IGSF3: variants seen among roughly 807,000 people sequenced by gnomAD.
IGSF3 encodes glu-Trp-Ile EWI motif-containing protein 3.
A neutral mutation model predicts 114.4 loss-of-function variants in IGSF3; 23 were observed. The observed-to-expected ratio is 0.20, with a 90% CI of 0.14 to 0.28. IGSF3 has a LOEUF of 0.28. IGSF3 is among the 10% of genes least tolerant of loss of function. The pLI is 1.00. For synonymous variants in IGSF3, 571 were observed against 645.2 expected, an observed-to-expected ratio of 0.88 and a Z score of 1.74; for missense variants, 1,172 against 1,591.5, an observed-to-expected ratio of 0.74 and a Z score of 4.48.
chr1:116,651,161 T>A lies in IGSF3; in HGVS notation c.43+15123A>T, dbSNP rs1648619972. 6.6e-6 allele frequency among the ~76,000 whole-genome samples: 1 copy of A among 152,238 alleles called. No individual in the cohort carries two copies. The highest frequency in any genetic ancestry group is 2.4e-5 in the African/African-American group (1 of 41,476). The stretch of plus-strand genomic sequence containing the variant: ...CACACAAATCTGTGGAATGAGTGCA[T>A]GATCTCATGAGCTCTGGTCTGGAAA... On this transcript the variant is annotated intron_variant, in intron 2 of 10. Coordinates refer to ENST00000369486, the MANE Select transcript of IGSF3 (RefSeq NM_001007237.3). The surrounding 1 kb of genome is among the most constrained non-coding windows in gnomAD (Gnocchi z 4.4).
intron 2 of IGSF3, among the ~76,000 whole-genome samples, chr1:116,643,718 T>G (rs1648214969): frequency 6.6e-6 from 1 of 152,212 alleles, no homozygotes; most frequent in African/African-American, 2.4e-5. Context: ...TCTTGTGTTG[T>G]CACAGGTGTA....
At position 116,592,584 on chromosome 1, in the gene IGSF3, G is replaced by A. The variant is rs900709761; in HGVS notation, c.2030-3480C>T. Among the ~76,000 whole-genome samples the A allele has an allele frequency of 4.6e-4, 70 of 152,264 alleles. No homozygotes were observed. The highest frequency in any genetic ancestry group is 1.6e-3 in the African/African-American group (68 of 41,538). ...GTTTCAAGGTGAGACATCAGGAAGAGGGAAGAACTTCGCAGCGGAGACCAG... is the reference window on the plus strand; with the variant it reads ...GTTTCAAGGTGAGACATCAGGAAGAAGGAAGAACTTCGCAGCGGAGACCAG... On this transcript the variant is annotated intron_variant, in intron 7 of 10. Coordinates refer to ENST00000369486, the MANE Select transcript of IGSF3 (RefSeq NM_001007237.3). The surrounding 1 kb of genome is among the most constrained non-coding windows in gnomAD (Gnocchi z 4.5).
chr1:116,581,223 C>G (rs1571112872), intron 9 of IGSF3, among the ~76,000 whole-genome samples: 2 of 152,028 alleles, frequency 1.3e-5, no homozygotes, highest in Admixed American at 1.3e-4. Context: ...AGTGTCCTCC[C>G]TGCTTAGGCG....
chr1:116,591,418 A>G (rs1486245741), intron 7 of IGSF3, among the ~76,000 whole-genome samples: 1 of 152,220 alleles, frequency 6.6e-6, no homozygotes, highest in African/African-American at 2.4e-5. Flanking sequence ...TTATTTTTGC[A>G]ACTGTTACTA....
intron 9 of IGSF3, among the ~76,000 whole-genome samples, chr1:116,580,323 T>C (rs1659547647): frequency 6.6e-6 from 1 of 152,228 alleles, no homozygotes; most frequent in Non-Finnish European, 1.5e-5. Flanking sequence ...CAGACGTAAT[T>C]AGCAAAGAGG....
Position 116,592,036 on chromosome 1 carries a change from T to G in IGSF3, c.2030-2932A>C, listed in dbSNP as rs891528341. ...CTGTGCCTTGTCCCAAGTTCAAAGT[T>G]CAACACTTAGAATGGGAGTTGTCAA... On this transcript the variant is annotated intron_variant, in intron 7 of 10. Transcript: ENST00000369486. This position sits in a 1 kb window ranked among gnomAD's most constrained non-coding sequence, Gnocchi z 4.5. Among the ~76,000 whole-genome samples, 1 of 152,164 alleles carries G rather than the reference T, an allele frequency of 6.6e-6. No individual in the cohort carries two copies. The highest frequency in any genetic ancestry group is 2.4e-5 in the African/African-American group (1 of 41,430).
Position 116,595,346 on chromosome 1 carries a change from GC to G in IGSF3, c.2029+4594del, listed in dbSNP as rs1232535183. Among the ~76,000 whole-genome samples the G allele has an allele frequency of 6.6e-6, 1 of 152,122 alleles. No homozygotes were observed. The highest frequency in any genetic ancestry group is 1.5e-5 in the Non-Finnish European group (1 of 68,008). On this transcript the variant is annotated intron_variant, in intron 7 of 10. Coordinates refer to ENST00000369486, the MANE Select transcript of IGSF3 (RefSeq NM_001007237.3). The surrounding 1 kb of genome is among the most constrained non-coding windows in gnomAD (Gnocchi z 4.2). Reference sequence around the variant, plus strand: ...ATCTTGGCACAGACAACAGGCAGAAGCCACCTGGGATGGAAGAAGGAGAACC... The same window carrying G: ...ATCTTGGCACAGACAACAGGCAGAAGCACCTGGGATGGAAGAAGGAGAACC...
At chr1:116,645,091 A>G (rs1046031638) in intron 2 of IGSF3, among the ~76,000 whole-genome samples, 4 of 152,204 alleles carry the variant, frequency 2.6e-5, no homozygotes, top group Admixed American at 6.5e-5. Flanking sequence ...GTAGCCCCAA[A>G]CTGGAAACAA....
At position 116,627,723 on chromosome 1, in the gene IGSF3, G is replaced by A. The variant is rs1647363219; in HGVS notation, c.44-11266C>T. Reference sequence around the variant, plus strand: ...ATCAGAACTAGACCTGGATACAAAGGGGTGGCCCTGGCTTCAGGAAGCCCA... The same window carrying A: ...ATCAGAACTAGACCTGGATACAAAGAGGTGGCCCTGGCTTCAGGAAGCCCA... On this transcript the variant is annotated intron_variant, in intron 2 of 10. Coordinates refer to ENST00000369486, the MANE Select transcript of IGSF3 (RefSeq NM_001007237.3). This position sits in a 1 kb window ranked among gnomAD's most constrained non-coding sequence, Gnocchi z 4.7. Among the ~76,000 whole-genome samples, 1 of 152,152 alleles carries A rather than the reference G, an allele frequency of 6.6e-6. No homozygotes were observed. The highest frequency in any genetic ancestry group is 1.5e-5 in the Non-Finnish European group (1 of 68,020).
chr1:116,641,167 C>A (rs1300621562), intron 2 of IGSF3, among the ~76,000 whole-genome samples: 3 of 152,112 alleles, frequency 2.0e-5, no homozygotes, highest in African/African-American at 7.2e-5. Context: ...CCTGTTCTCT[C>A]CACTTCGGTA....
intron 2 of IGSF3, among the ~76,000 whole-genome samples, chr1:116,640,001 C>T (rs201921565): frequency 1.3e-4 from 18 of 139,364 alleles, no homozygotes; most frequent in Non-Finnish European, 2.0e-4. Context: ...GATGGCACCG[C>T]GGCACTCCAG....
In IGSF3 at chr1:116,589,577, C is replaced by T. The variant is rs914906252; in HGVS notation, c.2030-473G>A. On this transcript the variant is annotated intron_variant, in intron 7 of 10. Transcript: ENST00000369486. This position sits in a 1 kb window ranked among gnomAD's most constrained non-coding sequence, Gnocchi z 5.7. ...CAGGCGCATGCCCCTGGTGCAGTTTCCCTGAGCCCTGGCCTTTGCCCTTGC... is the reference window on the plus strand; with the variant it reads ...CAGGCGCATGCCCCTGGTGCAGTTTTCCTGAGCCCTGGCCTTTGCCCTTGC... 2.0e-5 allele frequency among the ~76,000 whole-genome samples: 3 copies of T among 152,126 alleles called. No homozygotes were observed. The highest frequency in any genetic ancestry group is 2.1e-4 in the South Asian group (1 of 4,836).
chr1:116,597,062 A>G (rs1193960583), intron 7 of IGSF3, among the ~76,000 whole-genome samples: 1 of 152,220 alleles, frequency 6.6e-6, no homozygotes, highest in Non-Finnish European at 1.5e-5. Flanking sequence ...ATAGCCTTTA[A>G]AAGGTCAAAG....
At position 116,596,991 on chromosome 1, in the gene IGSF3, G is replaced by A. The variant is rs1369283793; in HGVS notation, c.2029+2950C>T. On this transcript the variant is annotated intron_variant, in intron 7 of 10. Coordinates refer to ENST00000369486, the MANE Select transcript of IGSF3 (RefSeq NM_001007237.3). The surrounding 1 kb of genome is among the most constrained non-coding windows in gnomAD (Gnocchi z 4.1). ...CTCCTCCACATCATCAATCTACAAG[G>A]AGAAAATTCTTCTGTAAAGGACACG... Among the ~76,000 whole-genome samples, 1 of 152,204 alleles carries A rather than the reference G, an allele frequency of 6.6e-6. No homozygotes were observed. The highest frequency in any genetic ancestry group is 1.5e-5 in the Non-Finnish European group (1 of 68,044).
At chr1:116,601,194 A>G (rs1490601648) in intron 6 of IGSF3, among the ~76,000 whole-genome samples, 1 of 152,200 alleles carries the variant, frequency 6.6e-6, no homozygotes, top group Non-Finnish European at 1.5e-5. Context: ...CAGGCTTGTC[A>G]TCTCTTCCTG....
rs1166588721 is a variant in IGSF3 at position 116,665,687 on chromosome 1, T to C, written c.43+597A>G. On this transcript the variant is annotated intron_variant, in intron 2 of 10. Coordinates refer to ENST00000369486, the MANE Select transcript of IGSF3 (RefSeq NM_001007237.3). The surrounding 1 kb of genome is among the most constrained non-coding windows in gnomAD (Gnocchi z 4.0). ...ATCTCCCCTACCAGGCAGCTTCCTT[T>C]TCTTCAGGCTCTCCTTCTCCCAGAA... Among the ~76,000 whole-genome samples the C allele has an allele frequency of 2.0e-5, 3 of 152,162 alleles. No individual in the cohort carries two copies. The highest frequency in any genetic ancestry group is 2.9e-5 in the Non-Finnish European group (2 of 68,036).
intron 2 of IGSF3, among the ~76,000 whole-genome samples, chr1:116,626,976 T>C (rs1212182887): frequency 6.6e-6 from 1 of 152,218 alleles, no homozygotes; most frequent in Non-Finnish European, 1.5e-5. Flanking sequence ...TGCTTATAAG[T>C]AAATATAAGT....
rs976457780 is a variant in IGSF3, at chr1:116,577,804, C to T, written c.3335-242G>A. Among the ~76,000 whole-genome samples, 2 of 152,106 alleles carry T rather than the reference C, an allele frequency of 1.3e-5. No homozygotes were observed. The highest frequency in any genetic ancestry group is 4.8e-5 in the African/African-American group (2 of 41,398). On this transcript the variant is annotated intron_variant, in intron 10 of 10. Coordinates refer to ENST00000369486, the MANE Select transcript of IGSF3 (RefSeq NM_001007237.3). The surrounding 1 kb of genome is among the most constrained non-coding windows in gnomAD (Gnocchi z 5.7). ...CAATGCTTCTGTTTTCCATTGAGAGCCATTATTGCTGCTTGGAAAGCCACA... is the reference window on the plus strand; with the variant it reads ...CAATGCTTCTGTTTTCCATTGAGAGTCATTATTGCTGCTTGGAAAGCCACA...
chr1:116,606,678 A>C (rs1660804856), intron 5 of IGSF3: 1 of 618,370 alleles, frequency 1.6e-6, no homozygotes, highest in Non-Finnish European at 2.9e-6. Flanking sequence ...CTTAGAAAAC[A>C]ATGAGGAATT....
Sources: gnomAD v4.1 joint callset for allele counts (sites outside exome capture counted in the v4.1 genomes callset) on GRCh38, gnomAD v4.1.1 for gene constraint, Gnocchi (gnomAD v3.1) non-coding constraint, MANE v1.5 for transcripts, NCBI Gene and HGNC (gene_info 2026-07-23, HGNC 2026-07-21) for gene names.